The following ZNF665 variants were observed in gnomAD, a reference collection of about 807,000 sequenced individuals.
ZNF665 encodes the protein zinc finger protein 665.
ZNF665 carries 6 observed loss-of-function variants against 7.9 expected under a neutral mutation model. The observed-to-expected ratio is 0.76, with a 90% confidence interval of 0.42 to 1.50. The LOEUF (loss-of-function observed/expected upper bound fraction) is 1.50. Ranked by LOEUF, ZNF665 falls within the 40% of genes most tolerant of loss-of-function variation. The pLI is 0.01. For missense variants in ZNF665, 819 were observed against 806.7 expected, an observed-to-expected ratio of 1.02 and a Z score of -0.18; for synonymous variants, 242 against 274.5, an observed-to-expected ratio of 0.88 and a Z score of 1.17.
chr19:53,171,520 A>ATTTTTTT (rs1233778767), intron 3 of ZNF665, among the ~76,000 whole-genome samples: 1 of 82,790 alleles, frequency 1.2e-5, no homozygotes, highest in African/African-American at 5.0e-5. Context: ...ATATATATAT[A>ATTTTTTT]TATATTTTTT....
chr19:53,182,743 G>A, intron 2 of ZNF665, 141 bp downstream of exon 2: 1 of 1,385,994 alleles, frequency 7.2e-7, no homozygotes, highest in South Asian at 1.2e-5. Flanking sequence ...AGTGAGATGA[G>A]AGGGACTGAG....
At chr19:53,183,049 A>G in intron 1 of ZNF665, 106 bp from the exon 2 acceptor site, 2 of 1,210,426 alleles carry the variant, frequency 1.7e-6, no homozygotes, top group Non-Finnish European at 2.4e-6. Flanking sequence ...AACCTTATAC[A>G]CAGGGAAGAC....
chr19:53,191,779 G>A (rs553385111), intron 1 of ZNF665: 3 of 152,328 alleles, frequency 2.0e-5, no homozygotes, highest in African/African-American at 4.8e-5. Flanking sequence ...AGGAGGCGGA[G>A]TTACAGTGAG....
At chr19:53,178,113 C>CA (rs568334042) in intron 2 of ZNF665, among the ~76,000 whole-genome samples, 137 of 152,330 alleles carry the variant, frequency 9.0e-4, no homozygotes, top group African/African-American at 3.1e-3. Context: ...GAAGAGCCTT[C>CA]AGAGTTTTCA....
Position 53,164,852 on chromosome 19 carries a change from A to G in ZNF665, c.1638T>C (p.Asp546=). Residue 546 remains aspartate, a synonymous_variant, in exon 4 of 4, where the codon GAT becomes GAC. Coordinates refer to ENST00000396424, the MANE Select transcript of ZNF665 (RefSeq NM_024733.5). ...AATTGTGTCTGAAGACCTTGCCGCA[A>G]TCATTACATTTGTATGGTTTTTGTC... The part of the protein sequence containing the change: ...HTGQKPYKCN[D]CGKVFRHNSY... 15 of 1,613,854 alleles carry G rather than the reference A, an allele frequency of 9.3e-6. No individual in the cohort carries two copies. The highest frequency in any genetic ancestry group is 1.2e-5 in the Non-Finnish European group (14 of 1,179,944).
chr19:53,185,515 T>C (rs2146884983), intron 1 of ZNF665, among the ~76,000 whole-genome samples: 1 of 152,218 alleles, frequency 6.6e-6, no homozygotes, highest in East Asian at 1.9e-4. Flanking sequence ...TCATATATAA[T>C]CATAACTAAG....
chr19:53,192,889 G>A (rs1163505010), intron 1 of ZNF665, among the ~76,000 whole-genome samples: 3 of 152,080 alleles, frequency 2.0e-5, no homozygotes, highest in Non-Finnish European at 4.4e-5. Flanking sequence ...GGCGCCTTAG[G>A]AGAGGGGTGG....
intron 1 of ZNF665, among the ~76,000 whole-genome samples, chr19:53,185,379 TCTCA>T (rs1568667116): frequency 6.6e-6 from 1 of 151,708 alleles, no homozygotes; most frequent in African/African-American, 2.4e-5. Flanking sequence ...TCTGGTCACT[TCTCA>T]CTGTGTCCCC....
intron 1 of ZNF665, chr19:53,190,170 G>A (rs992831142): frequency 3.9e-5 from 6 of 152,204 alleles, no homozygotes; most frequent in African/African-American, 1.4e-4. Context: ...AACAGCTCGT[G>A]TTCTCTGTCT....
chr19:53,164,594 C>T lies in ZNF665; in HGVS notation c.1896G>A (p.Gly632=). ...GEKPYRCNEC[G]KAFSVRSTLT... ...GGGTTGAACGAACACTGAAGGCTTT[C>T]CCACACTCATTACACCTATAAGGTT... Residue 632 remains glycine, a synonymous_variant, in exon 4 of 4, where the codon GGG becomes GGA. Transcript: ENST00000396424. 3.7e-6 allele frequency: 6 copies of T among 1,613,756 alleles called. No individual in the cohort carries two copies. Among genetic ancestry groups the T allele is most frequent in the Middle Eastern group, 1.6e-4 (1 of 6,062 alleles).
chr19:53,175,377 G>T, intron 3 of ZNF665, 68 bp downstream of exon 3: 1 of 1,565,360 alleles, frequency 6.4e-7, no homozygotes, highest in East Asian at 2.3e-5. Context: ...GCTCTCAAGA[G>T]ACTCACAAGG....
chr19:53,192,836 A>G (rs981673797), intron 1 of ZNF665, among the ~76,000 whole-genome samples: 1 of 151,728 alleles, frequency 6.6e-6, no homozygotes, highest in Non-Finnish European at 1.5e-5. Flanking sequence ...AGGCCTAGGG[A>G]GCAGCAGGGC....
intron 1 of ZNF665, among the ~76,000 whole-genome samples, chr19:53,189,149 A>G (rs1310997526): frequency 1.3e-5 from 2 of 151,744 alleles, no homozygotes; most frequent in East Asian, 3.9e-4. Context: ...GTAAAAGTTG[A>G]CACAGTGGAG....
chr19:53,179,067 A>C (rs1343385575), intron 2 of ZNF665, among the ~76,000 whole-genome samples: 1 of 152,182 alleles, frequency 6.6e-6, no homozygotes, highest in African/African-American at 2.4e-5. Context: ...AAGAGAAAAC[A>C]AAGATAAAAG....
chr19:53,164,943 C>G lies in ZNF665; in HGVS notation c.1547G>C (p.Cys516Ser). The change falls in exon 4 of 4, where the codon TGT becomes TCT. Residue 516 changes from cysteine to serine, a missense_variant. Physicochemically the swap from Cys to Ser is moderately radical, Grantham distance 112. Transcript: ENST00000396424. The stretch of plus-strand genomic sequence containing the variant: ...ACTAAAGGCTTTGCCACACTCATTA[C>G]ACTTGTAAGGTTTTTCTCCAGTATG... ...RVHTGEKPYK[C>S]NECGKAFSVH... The G allele has an allele frequency of 6.2e-7, 1 of 1,614,174 alleles. No homozygotes were observed. The highest frequency in any genetic ancestry group is 8.5e-7 in the Non-Finnish European group (1 of 1,180,034).
chr19:53,164,366 G>C lies in ZNF665; in HGVS notation c.*87C>G. 9.2e-7 allele frequency: 1 copy of C among 1,084,952 alleles called. No homozygotes were observed. The highest frequency in any genetic ancestry group is 1.3e-6 in the Non-Finnish European group (1 of 777,572). The allele number at this position is 1,084,952 out of a possible 1,614,324, so 67.2% of individuals were successfully genotyped here. A position where few individuals can be genotyped will look rare whatever the true frequency, so the allele number is the denominator to read the frequency against. ...TTGGCCAGCCTGGTCTCGAACTCGA[G>C]ACCTCAGGTGATCCCCCCGCCTCGG... On this transcript the variant is annotated 3_prime_UTR_variant, in exon 4 of 4. Coordinates refer to ENST00000396424, the MANE Select transcript of ZNF665 (RefSeq NM_024733.5).
intron 2 of ZNF665, chr19:53,182,659 A>G: frequency 1.1e-6 from 1 of 924,008 alleles, no homozygotes; most frequent in Non-Finnish European, 1.7e-6. Flanking sequence ...TCGGGGTGTG[A>G]GCCCTTCCCA....
chr19:53,192,700 C>T (rs1470906080), intron 1 of ZNF665, among the ~76,000 whole-genome samples: 1 of 152,178 alleles, frequency 6.6e-6, no homozygotes. Context: ...GAGTAAGACA[C>T]CTGGATCCTG....
At chr19:53,175,244 A>G (rs2090687879) in intron 3 of ZNF665, among the ~76,000 whole-genome samples, 1 of 152,206 alleles carries the variant, frequency 6.6e-6, no homozygotes, top group South Asian at 2.1e-4. Flanking sequence ...ACAAAACTCT[A>G]AAACTCTCCA....
Sources: gnomAD v4.1 joint callset for allele counts (sites outside exome capture counted in the v4.1 genomes callset) on GRCh38, gnomAD v4.1.1 for gene constraint, MANE v1.5 for transcripts, NCBI Gene and HGNC (gene_info 2026-07-23, HGNC 2026-07-21) for gene names.